The following ADGRE3 variants were observed in gnomAD, a reference collection of about 807,000 sequenced individuals.
ADGRE3 encodes EGF-like module receptor 3.
ADGRE3 carries 88 observed loss-of-function variants against 80.1 expected under a neutral mutation model. The ratio of observed to expected loss-of-function variants is 1.10; its 90% CI spans 0.93 to 1.31. The LOEUF (loss-of-function observed/expected upper bound fraction) is 1.31. Ranked by LOEUF, ADGRE3 falls within the 40% of genes most tolerant of loss-of-function variation. The pLI is 0.00. For missense variants in ADGRE3, 715 were observed against 776.5 expected (o/e 0.92, Z 0.94); for synonymous variants, 281 against 294.8 (o/e 0.95, Z 0.48).
the ADGRE3 span, among the ~76,000 whole-genome samples, chr19:14,606,000 T>C: frequency 6.6e-6 from 1 of 152,042 alleles, no homozygotes; most frequent in Non-Finnish European, 1.5e-5. Flanking sequence ...TTGGCTAAAG[T>C]GGTGGGATTA....
intron 1 of ADGRE3, among the ~76,000 whole-genome samples, chr19:14,671,858 C>A (rs1009723408): frequency 6.6e-6 from 1 of 151,788 alleles, no homozygotes; most frequent in Non-Finnish European, 1.5e-5. Flanking sequence ...GCAATCATAC[C>A]TCACTGTAGC....
At chr19:14,603,277 C>A in the ADGRE3 span, among the ~76,000 whole-genome samples, 1 of 152,108 alleles carries the variant, frequency 6.6e-6, no homozygotes, top group Non-Finnish European at 1.5e-5. Context: ...GAGCACACAT[C>A]GGGTCTTTGC....
At chr19:14,659,983 C>T (rs1343718058) in intron 4 of ADGRE3, among the ~76,000 whole-genome samples, 1 of 152,010 alleles carries the variant, frequency 6.6e-6, no homozygotes, top group Non-Finnish European at 1.5e-5. Flanking sequence ...TAATACTGAA[C>T]ATTTTATCTT....
intron 10 of ADGRE3, among the ~76,000 whole-genome samples, chr19:14,640,261 T>TG (rs988982241): frequency 3.4e-4 from 51 of 152,144 alleles, no homozygotes; most frequent in African/African-American, 1.2e-3. Context: ...ACCCTTGCTA[T>TG]GGGGGGGACA....
At chr19:14,647,409 TC>T (rs373294089) in intron 7 of ADGRE3, 44 bp from the exon 8 acceptor site, 70 of 1,294,274 alleles carry the variant, frequency 5.4e-5, no homozygotes, top group Middle Eastern at 2.4e-4. Context: ...TTCTTTTCTT[TC>T]TTTTTTTTTT....
intron 13 of ADGRE3, among the ~76,000 whole-genome samples, chr19:14,632,591 G>A (rs921540057): frequency 1.3e-5 from 2 of 152,204 alleles, no homozygotes; most frequent in African/African-American, 4.8e-5. Flanking sequence ...CTAGAGGATG[G>A]TGGAGCAACA....
chr19:14,607,326 C>T, the ADGRE3 span, among the ~76,000 whole-genome samples: 1 of 151,694 alleles, frequency 6.6e-6, no homozygotes, highest in Non-Finnish European at 1.5e-5. Context: ...GCCTCAGCCT[C>T]CCGAGTGGCT....
intron 10 of ADGRE3, among the ~76,000 whole-genome samples, chr19:14,640,015 A>G (rs1351871700): frequency 6.6e-6 from 1 of 152,044 alleles, no homozygotes; most frequent in Non-Finnish European, 1.5e-5. Flanking sequence ...TCTGCTAACA[A>G]CCATTCCCCT....
the ADGRE3 span, chr19:14,610,963 A>ATATTTT: frequency 6.0e-4 from 90 of 151,004 alleles, 1 homozygote; most frequent in African/African-American, 2.1e-3. Context: ...TACCTGGCCG[A>ATATTTT]TATTTTTATT....
chr19:14,655,277 G>T, intron 5 of ADGRE3, 112 bp from the exon 6 acceptor site: 1 of 889,416 alleles, frequency 1.1e-6, no homozygotes. Context: ...GAGGAACCAC[G>T]TTCAAATCCT....
chr19:14,646,183 C>T (rs1359782687), intron 8 of ADGRE3, among the ~76,000 whole-genome samples: 1 of 151,658 alleles, frequency 6.6e-6, no homozygotes, highest in Non-Finnish European at 1.5e-5. Context: ...AGTGCAGTGG[C>T]GCGATCTTGG....
At chr19:14,620,394 A>ATATATGAATATATATGTATATTCATGT (rs1970508635) in intron 15 of ADGRE3, among the ~76,000 whole-genome samples, 1 of 121,294 alleles carries the variant, frequency 8.2e-6, no homozygotes, top group African/African-American at 3.2e-5. Flanking sequence ...ATATACATGT[A>ATATATGAATATATATGTATATTCATGT]TATATGAATA....
chr19:14,670,863 A>C lies in ADGRE3; in HGVS notation c.26-2011T>G, dbSNP rs183253278. The stretch of plus-strand genomic sequence containing the variant: ...TAGCTGATAACCCATTACACCACAT[A>C]GCCTCTCCTTCAGAAATCCCACAGG... On this transcript the variant is annotated intron_variant, in intron 1 of 15. Transcript: ENST00000253673. Among the ~76,000 whole-genome samples, 93 of 152,338 alleles carry C rather than the reference A, an allele frequency of 6.1e-4. 1 individual carries two copies. Among genetic ancestry groups the C allele is most frequent in the African/African-American group, 2.2e-3 (91 of 41,578 alleles).
chr19:14,602,480 G>T, the ADGRE3 span, among the ~76,000 whole-genome samples: 1 of 152,044 alleles, frequency 6.6e-6, no homozygotes, highest in East Asian at 1.9e-4. Context: ...TTTTTGTAGA[G>T]ATGAGGTTTT....
Position 14,641,439 on chromosome 19 carries a change from T to C in ADGRE3, c.1228A>G (p.Ile410Val), listed in dbSNP as rs1446916068. The change falls in exon 10 of 16, where the codon ATT becomes GTT. Residue 410 changes from isoleucine to valine, a missense_variant. Physicochemically the swap from Ile to Val is conservative, Grantham distance 29 (BLOSUM62 3). Coordinates refer to ENST00000253673, the MANE Select transcript of ADGRE3 (RefSeq NM_032571.5). ...FLAHLLFLVGIDRTEPKVLCS... is the reference protein window; with the variant it reads ...FLAHLLFLVGVDRTEPKVLCS... ...AGTACCTTGGGTTCAGTTCGATCAA[T>C]CCCCACGAGGAAGAGGAGGTGGGCC... 1.2e-6 allele frequency: 2 copies of C among 1,613,968 alleles called. No homozygotes were observed. Among genetic ancestry groups the C allele is most frequent in the Admixed American group, 3.3e-5 (2 of 59,986 alleles).
intron 10 of ADGRE3, among the ~76,000 whole-genome samples, chr19:14,640,545 TC>T (rs1444264596): frequency 6.6e-6 from 1 of 151,562 alleles, no homozygotes; most frequent in Non-Finnish European, 1.5e-5. Context: ...CCCACCTCAG[TC>T]CCCCAAAGTG....
chr19:14,674,302 G>A (rs1341313034), intron 1 of ADGRE3, among the ~76,000 whole-genome samples: 1 of 152,168 alleles, frequency 6.6e-6, no homozygotes, highest in East Asian at 1.9e-4. Context: ...TTCGAGACCA[G>A]CCAGGGCAAC....
Position 14,632,924 on chromosome 19 carries a change from G to A in ADGRE3, c.1640C>T (p.Thr547Ile). The A allele has an allele frequency of 6.2e-7, 1 of 1,604,076 alleles. No homozygotes were observed. ...LNSEVSTIQNTRMLAFKATAQ... is the reference protein window; with the variant it reads ...LNSEVSTIQNIRMLAFKATAQ... ...AGTACCATTTGTCACATCCTACCTT[G>A]TGTTCTGGATGGTTGACACTTCACT... The change falls in exon 13 of 16, where the codon ACA becomes ATA. Residue 547 changes from threonine to isoleucine, a missense_variant. Transcript: ENST00000253673.
At chr19:14,609,918 G>T in the ADGRE3 span, 3 of 609,978 alleles carry the variant, frequency 4.9e-6, no homozygotes, top group Non-Finnish European at 8.8e-6. Flanking sequence ...CACTGTGCCC[G>T]GCTTACAGGT....
Sources: gnomAD v4.1 joint callset for allele counts (sites outside exome capture counted in the v4.1 genomes callset) on GRCh38, gnomAD v4.1.1 for gene constraint, MANE v1.5 for transcripts, NCBI Gene and HGNC (gene_info 2026-07-23, HGNC 2026-07-21) for gene names.